The following DISC1 variants were observed in gnomAD, a reference collection of about 807,000 sequenced individuals.
DISC1 encodes DISC1 scaffold protein, also known as disrupted in schizophrenia 1 protein.
Under a neutral mutation model 84.5 loss-of-function variants are expected in DISC1, and 57 were observed. That is an observed-to-expected ratio of 0.67 (90% CI 0.55 to 0.84). The LOEUF is 0.84. Among genes scored for constraint, DISC1 ranks in the 40% least tolerant of loss-of-function variants. The pLI, the probability that DISC1 is intolerant of heterozygous loss-of-function variation, is 0.00. For missense variants in DISC1, 1,000 were observed against 1,057.8 expected (o/e 0.95, Z 0.76); for synonymous variants, 411 against 415.2 (o/e 0.99, Z 0.12).
At chr1:231,906,937 A>G (rs980170131) in intron 9 of DISC1, among the ~76,000 whole-genome samples, 3 of 147,474 alleles carry the variant, frequency 2.0e-5, no homozygotes, top group Admixed American at 6.8e-5. Context: ...AGCCTAAAGA[A>G]TCTTTCTTTT....
chr1:231,892,925 G>A (rs994864787), intron 9 of DISC1, among the ~76,000 whole-genome samples: 2 of 152,114 alleles, frequency 1.3e-5, no homozygotes, highest in Admixed American at 1.3e-4. Context: ...ACTTTGGGAG[G>A]CCGACTCAGG....
chr1:231,704,902 A>G (rs2066871218), intron 3 of DISC1, among the ~76,000 whole-genome samples: 1 of 152,190 alleles, frequency 6.6e-6, no homozygotes, highest in Non-Finnish European at 1.5e-5. Context: ...ATGGCATATA[A>G]GAAATCACAA....
intron 9 of DISC1, among the ~76,000 whole-genome samples, chr1:231,835,726 T>C (rs574140365): frequency 1.3e-5 from 2 of 152,332 alleles, no homozygotes; most frequent in East Asian, 3.9e-4. Flanking sequence ...TTATATAATA[T>C]GGTTATCAAT....
intron 1 of DISC1, among the ~76,000 whole-genome samples, chr1:231,677,851 T>A (rs1174450489): frequency 6.6e-6 from 1 of 152,108 alleles, no homozygotes; most frequent in Non-Finnish European, 1.5e-5. Flanking sequence ...TGGTGGCACA[T>A]GCCTGTAATC....
At chr1:232,002,638 C>CACAA (rs1337275969) in intron 10 of DISC1, among the ~76,000 whole-genome samples, 1 of 124,518 alleles carries the variant, frequency 8.0e-6, no homozygotes, top group Non-Finnish European at 1.6e-5. Flanking sequence ...CACACACACA[C>CACAA]AAAAGCCAAT....
chr1:231,856,126 A>C (rs200665305), intron 9 of DISC1, among the ~76,000 whole-genome samples: 1 of 152,356 alleles, frequency 6.6e-6, no homozygotes, highest in South Asian at 2.1e-4. Flanking sequence ...AAGAATGATC[A>C]GATGGGAGAT....
At chr1:231,692,299 A>C (rs2065136806) in intron 1 of DISC1, among the ~76,000 whole-genome samples, 1 of 152,138 alleles carries the variant, frequency 6.6e-6, no homozygotes. Flanking sequence ...AGCTTCCGGA[A>C]TTCTTTGTAC....
intron 9 of DISC1, among the ~76,000 whole-genome samples, chr1:231,852,735 T>C (rs1251845184): frequency 1.3e-5 from 2 of 152,234 alleles, no homozygotes; most frequent in Non-Finnish European, 1.5e-5. Flanking sequence ...TTTGTAATAA[T>C]GAAGATGGGT....
chr1:231,875,634 C>T (rs912004), intron 9 of DISC1, among the ~76,000 whole-genome samples: 139,607 of 152,158 alleles, frequency 0.92, 64,209 homozygotes, highest in East Asian at 1. Flanking sequence ...TCTGTCATTA[C>T]TTAAACATAT....
chr1:231,699,370 G>A (rs1359982883), intron 2 of DISC1, among the ~76,000 whole-genome samples: 1 of 151,958 alleles, frequency 6.6e-6, no homozygotes, highest in South Asian at 2.1e-4. Flanking sequence ...CCAAACAAAG[G>A]AAAATGATGG....
At chr1:232,022,293 C>T (rs1267006663) in intron 11 of DISC1, among the ~76,000 whole-genome samples, 4 of 151,116 alleles carry the variant, frequency 2.6e-5, no homozygotes, top group African/African-American at 9.8e-5. Flanking sequence ...CAACTTTGCA[C>T]AGCTGATACC....
intron 9 of DISC1, among the ~76,000 whole-genome samples, chr1:231,912,429 A>C (rs1382192335): frequency 1.3e-5 from 2 of 152,028 alleles, no homozygotes. Context: ...GGTCTGTTGG[A>C]GTTTGCTGGA....
intron 5 of DISC1, among the ~76,000 whole-genome samples, chr1:231,767,689 G>T (rs2125440169): frequency 6.6e-6 from 1 of 152,330 alleles, no homozygotes; most frequent in East Asian, 1.9e-4. Flanking sequence ...TCAAGCCGGG[G>T]AGTACAAAAA....
chr1:231,792,528 G>A (rs532131533), intron 6 of DISC1, among the ~76,000 whole-genome samples: 1 of 152,270 alleles, frequency 6.6e-6, no homozygotes, highest in Admixed American at 6.5e-5. Context: ...GCTCATATAG[G>A]TTCAATGATG....
intron 9 of DISC1, among the ~76,000 whole-genome samples, chr1:231,944,516 G>A (rs939815613): frequency 6.6e-6 from 1 of 152,164 alleles, no homozygotes; most frequent in Non-Finnish European, 1.5e-5. Flanking sequence ...TTGCAGCTCC[G>A]TGCAATCCTG....
At chr1:231,849,055 C>T (rs2083670868) in intron 9 of DISC1, among the ~76,000 whole-genome samples, 2 of 151,808 alleles carry the variant, frequency 1.3e-5, no homozygotes, top group Admixed American at 1.3e-4. Context: ...TTTGTACCTG[C>T]TGAGCTTCTT....
chr1:231,983,870 T>C (rs904038285), intron 10 of DISC1, among the ~76,000 whole-genome samples: 1 of 152,182 alleles, frequency 6.6e-6, no homozygotes, highest in African/African-American at 2.4e-5. Context: ...GTGTTGATGA[T>C]TGTATTCATT....
intron 9 of DISC1, 48 bp from the exon 10 acceptor site, chr1:231,958,780 A>G (rs41307666): frequency 4.8e-4 from 747 of 1,568,424 alleles, no homozygotes; most frequent in Non-Finnish European, 6.2e-4. Flanking sequence ...TTTTTATTCA[A>G]TTGTGACTGC....
chr1:231,837,529 C>T (rs200121014), intron 9 of DISC1, among the ~76,000 whole-genome samples: 2 of 152,086 alleles, frequency 1.3e-5, no homozygotes, highest in African/African-American at 2.4e-5. Flanking sequence ...TGATGAGGTC[C>T]CCAAAGCACT....
Sources: gnomAD v4.1 joint callset for allele counts (sites outside exome capture counted in the v4.1 genomes callset) on GRCh38, gnomAD v4.1.1 for gene constraint, MANE v1.5 for transcripts, NCBI Gene and HGNC (gene_info 2026-07-23, HGNC 2026-07-21) for gene names.